The following DSCAM variants were observed in gnomAD, a reference collection of about 807,000 sequenced individuals.
DSCAM encodes the protein DS cell adhesion molecule.
Under a neutral mutation model 217.7 loss-of-function variants are expected in DSCAM, and 47 were observed. That is an observed-to-expected ratio of 0.22 (90% CI 0.17 to 0.28). The LOEUF is 0.28. DSCAM is among the 10% of genes least tolerant of loss of function. The probability of loss-of-function intolerance (pLI) is 1.00; values close to 1 mark genes in which losing one functional copy is unlikely to be tolerated. For synonymous variants in DSCAM, 1,056 were observed against 1,015.3 expected (o/e 1.04, Z -0.76); for missense variants, 2,080 against 2,618.3 (o/e 0.79, Z 4.49).
chr21:40,821,269 C>T (rs1040313040), intron 1 of DSCAM, among the ~76,000 whole-genome samples: 1 of 152,034 alleles, frequency 6.6e-6, no homozygotes, highest in African/African-American at 2.4e-5. Context: ...CTGTTGCACA[C>T]AGCTTTGCTC....
intron 32 of DSCAM, among the ~76,000 whole-genome samples, chr21:40,028,826 G>A (rs191736994): frequency 2.1e-4 from 32 of 152,304 alleles, no homozygotes; most frequent in South Asian, 6.2e-4. Flanking sequence ...GCTGCAGACC[G>A]GAGCTGTTCC....
intron 6 of DSCAM, among the ~76,000 whole-genome samples, chr21:40,345,329 C>T (rs1306025289): frequency 1.3e-5 from 2 of 152,090 alleles, no homozygotes; most frequent in African/African-American, 4.8e-5. Context: ...TGTATTCTCA[C>T]TCCCCATTTT....
intron 3 of DSCAM, among the ~76,000 whole-genome samples, chr21:40,564,961 T>A (rs1020757537): frequency 3.3e-5 from 5 of 152,012 alleles, no homozygotes; most frequent in Non-Finnish European, 1.5e-5. Flanking sequence ...GAGGCCCAGG[T>A]GGGATGGGCA....
chr21:40,472,739 T>G (rs1005998714), intron 3 of DSCAM, among the ~76,000 whole-genome samples: 1 of 148,864 alleles, frequency 6.7e-6, no homozygotes, highest in Non-Finnish European at 1.5e-5. Flanking sequence ...TGTAAAGTTT[T>G]TTTAAAAAGA....
intron 11 of DSCAM, among the ~76,000 whole-genome samples, chr21:40,273,678 C>T (rs1232272779): frequency 6.6e-6 from 1 of 152,200 alleles, no homozygotes; most frequent in Non-Finnish European, 1.5e-5. Context: ...AAGTGCCATA[C>T]ATTGGTGGCT....
intron 32 of DSCAM, among the ~76,000 whole-genome samples, chr21:40,015,087 C>T (rs929279573): frequency 5.3e-5 from 8 of 152,176 alleles, no homozygotes; most frequent in Non-Finnish European, 7.3e-5. Context: ...AGGCCTCTCT[C>T]GGAAGGCTTG....
intron 11 of DSCAM, among the ~76,000 whole-genome samples, chr21:40,253,237 G>A (rs1020007364): frequency 4.6e-5 from 7 of 152,088 alleles, no homozygotes; most frequent in Admixed American, 3.3e-4. Flanking sequence ...ATCGTGGGAG[G>A]GAGGATGTTA....
intron 3 of DSCAM, among the ~76,000 whole-genome samples, chr21:40,558,260 C>T (rs188689805): frequency 1.1e-4 from 17 of 152,086 alleles, no homozygotes; most frequent in African/African-American, 3.9e-4. Flanking sequence ...TCCTGGTTAA[C>T]ACGGTGAAAC....
chr21:40,843,379 T>C (rs865872698), intron 1 of DSCAM, among the ~76,000 whole-genome samples: 6 of 74,002 alleles, frequency 8.1e-5, no homozygotes, highest in South Asian at 7.5e-4. Context: ...TGTGTGTGTG[T>C]GTGTGTGTGT....
chr21:40,632,956 T>G (rs1568950798), intron 3 of DSCAM, among the ~76,000 whole-genome samples: 2 of 152,210 alleles, frequency 1.3e-5, no homozygotes, highest in African/African-American at 4.8e-5. Flanking sequence ...GGCATCACTT[T>G]TCCTCTTTAT....
At chr21:40,675,130 A>C (rs1032530258) in intron 3 of DSCAM, among the ~76,000 whole-genome samples, 1 of 152,138 alleles carries the variant, frequency 6.6e-6, no homozygotes, top group Non-Finnish European at 1.5e-5. Context: ...ATTTCATGGC[A>C]TGGCATGGGA....
intron 3 of DSCAM, among the ~76,000 whole-genome samples, chr21:40,572,085 GGTGTGTGTGTGTGTGTGT>G (rs10553285): frequency 2.7e-5 from 4 of 148,524 alleles, no homozygotes; most frequent in Non-Finnish European, 6.0e-5. Context: ...TGTGTGTGTG[GGTGTGTGTGTGTGTGTGT>G]GTGTGTGTGT....
chr21:40,249,801 C>T (rs562200846), intron 11 of DSCAM, among the ~76,000 whole-genome samples: 1 of 152,190 alleles, frequency 6.6e-6, no homozygotes, highest in East Asian at 1.9e-4. Flanking sequence ...GGGTTCCTTG[C>T]AGCCAGAAGA....
intron 3 of DSCAM, among the ~76,000 whole-genome samples, chr21:40,411,236 G>GA (rs2075320981): frequency 6.8e-6 from 1 of 146,350 alleles, no homozygotes; most frequent in Non-Finnish European, 1.5e-5. Flanking sequence ...AATTGTAGGG[G>GA]AAAACAAACA....
At chr21:40,524,119 AATTT>A (rs942946827) in intron 3 of DSCAM, among the ~76,000 whole-genome samples, 4 of 151,526 alleles carry the variant, frequency 2.6e-5, no homozygotes, top group Non-Finnish European at 5.9e-5. Flanking sequence ...TCCTTAAGAA[AATTT>A]ATTTATTTAT....
chr21:40,707,365 CT>C (rs1309048246), intron 2 of DSCAM, among the ~76,000 whole-genome samples: 2 of 152,206 alleles, frequency 1.3e-5, no homozygotes, highest in East Asian at 1.9e-4. Context: ...AAAGACAATC[CT>C]TTTTTTCTTT....
intron 11 of DSCAM, among the ~76,000 whole-genome samples, chr21:40,255,939 G>A (rs1006668057): frequency 3.9e-5 from 6 of 152,178 alleles, no homozygotes; most frequent in Non-Finnish European, 8.8e-5. Flanking sequence ...TCTGACTTTG[G>A]CTTTGTGATA....
chr21:40,322,038 C>T (rs2074265338), intron 8 of DSCAM, among the ~76,000 whole-genome samples: 1 of 152,122 alleles, frequency 6.6e-6, no homozygotes, highest in Non-Finnish European at 1.5e-5. Flanking sequence ...CTACCCTATG[C>T]CCAGAATTAG....
At chr21:40,214,851 A>G (rs1430763202) in intron 11 of DSCAM, among the ~76,000 whole-genome samples, 3 of 152,172 alleles carry the variant, frequency 2.0e-5, no homozygotes, top group African/African-American at 7.2e-5. Context: ...TATATGCATC[A>G]AACTCCAGAG....
Sources: allele counts gnomAD v4.1 joint callset (sites outside exome capture counted in the v4.1 genomes callset), GRCh38; gene constraint gnomAD v4.1.1; transcripts MANE v1.5; gene names NCBI Gene and HGNC (gene_info 2026-07-23, HGNC 2026-07-21).